Variants in MTUS2 observed in about 807,000 individuals in gnomAD.
MTUS2 encodes microtubule associated scaffold protein 2.
In MTUS2, 40 loss-of-function variants were observed where a neutral mutation model predicts 114.1. That is an observed-to-expected ratio of 0.35 (90% CI 0.27 to 0.46). The LOEUF (loss-of-function observed/expected upper bound fraction) is 0.46. MTUS2 is among the 20% of genes least tolerant of loss of function. The pLI, the probability that MTUS2 is intolerant of heterozygous loss-of-function variation, is 1.00. For missense variants in MTUS2, 1,679 were observed against 1,705.4 expected (o/e 0.98, Z 0.27); for synonymous variants, 688 against 672.0 (o/e 1.02, Z -0.37).
In MTUS2 at chr13:29,499,608, C is replaced by T. The variant is rs370394513; in HGVS notation, c.3798+1071C>T. Among the ~76,000 whole-genome samples, 7 of 152,372 alleles carry T rather than the reference C, an allele frequency of 4.6e-5. No homozygotes were observed. In the East Asian group the frequency reaches 1.2e-3, roughly 25 times the overall value. On this transcript the variant is annotated intron_variant, in intron 14 of 15. Coordinates refer to ENST00000612955, the MANE Select transcript of MTUS2 (RefSeq NM_001033602.4). ...GGTAGTATCTGCGTGCACATGTGCA[C>T]AGGCACACACCCACCCACCCACATG...
chr13:29,158,358 C>CCCCCCCCCTTCTTT, intron 5 of MTUS2, among the ~76,000 whole-genome samples: 1 of 32,048 alleles, frequency 3.1e-5, no homozygotes, highest in African/African-American at 2.1e-4. Flanking sequence ...GTCCACCCCG[C>CCCCCCCCCTTCTTT]TTTTTTTTTT....
At chr13:29,098,976 T>C (rs1252189045) in intron 4 of MTUS2, among the ~76,000 whole-genome samples, 1 of 152,258 alleles carries the variant, frequency 6.6e-6, no homozygotes, top group African/African-American at 2.4e-5. Context: ...GTATACTTAT[T>C]GTTGAAATTA....
chr13:28,844,406 TGTGTGTGTGCGCGCATGTGTGC>T (rs1186090438), intron 2 of MTUS2, among the ~76,000 whole-genome samples: 1 of 151,884 alleles, frequency 6.6e-6, no homozygotes, highest in East Asian at 1.9e-4. Flanking sequence ...AAATGCTGTG[TGTGTGTGTGCGCGCATGTGTGC>T]GTGTGTGTGT....
At chr13:29,256,364 G>A (rs1172529645) in intron 5 of MTUS2, among the ~76,000 whole-genome samples, 2 of 152,188 alleles carry the variant, frequency 1.3e-5, no homozygotes, top group Non-Finnish European at 2.9e-5. Context: ...GCAGTGGTCA[G>A]GACTGAGACA....
intron 7 of MTUS2, among the ~76,000 whole-genome samples, chr13:29,327,009 A>T (rs543652684): frequency 3.9e-5 from 6 of 152,242 alleles, no homozygotes; most frequent in East Asian, 1.9e-4. Context: ...ATAAAAATTT[A>T]AAAAATAAAT....
intron 2 of MTUS2, among the ~76,000 whole-genome samples, chr13:28,897,562 G>C (rs1192972844): frequency 6.6e-6 from 1 of 152,058 alleles, no homozygotes; most frequent in East Asian, 1.9e-4. Flanking sequence ...ATACCCAAAG[G>C]ACTATAAATC....
At chr13:29,244,445 A>C (rs536889993) in intron 5 of MTUS2, among the ~76,000 whole-genome samples, 1 of 152,194 alleles carries the variant, frequency 6.6e-6, no homozygotes, top group South Asian at 2.1e-4. Flanking sequence ...GGAGAGAAGC[A>C]AGTGAGGGCA....
chr13:29,389,369 G>GTATA (rs1872942286), intron 8 of MTUS2, among the ~76,000 whole-genome samples: 1 of 53,656 alleles, frequency 1.9e-5, no homozygotes, highest in Non-Finnish European at 4.0e-5. Context: ...GTATGCACGT[G>GTATA]TGTGTATATA....
At chr13:29,300,253 T>C (rs570935506) in intron 6 of MTUS2, among the ~76,000 whole-genome samples, 51 of 152,306 alleles carry the variant, frequency 3.3e-4, no homozygotes, top group African/African-American at 1.2e-3. Flanking sequence ...AAGCCCCCTG[T>C]AGGCTGGTCT....
At chr13:29,015,662 C>G (rs750584567) in intron 2 of MTUS2, among the ~76,000 whole-genome samples, 2 of 151,982 alleles carry the variant, frequency 1.3e-5, no homozygotes, top group Non-Finnish European at 2.9e-5. Flanking sequence ...AGTTATTTAA[C>G]AAGACAAAAA....
chr13:29,476,607 G>A (rs1880724930), intron 9 of MTUS2: 1 of 152,044 alleles, frequency 6.6e-6, no homozygotes, highest in Non-Finnish European at 1.5e-5. Flanking sequence ...TATATTCCGA[G>A]TTGTGGAAAA....
chr13:29,043,777 A>G (rs1887484801), intron 4 of MTUS2, among the ~76,000 whole-genome samples: 1 of 8,770 alleles, frequency 1.1e-4, no homozygotes, highest in African/African-American at 2.6e-4. Flanking sequence ...CTGATTGTTT[A>G]AAGTCTGATA....
intron 4 of MTUS2, among the ~76,000 whole-genome samples, chr13:29,046,944 A>G (rs868484960): frequency 6.6e-6 from 1 of 152,192 alleles, no homozygotes; most frequent in Non-Finnish European, 1.5e-5. Context: ...TTTAGATTGT[A>G]TGACCTGACC....
At chr13:29,251,685 T>C (rs1319611736) in intron 5 of MTUS2, among the ~76,000 whole-genome samples, 2 of 152,262 alleles carry the variant, frequency 1.3e-5, no homozygotes, top group Non-Finnish European at 2.9e-5. Context: ...GTACCTCCTA[T>C]GAGTGGAATG....
rs35369352 is a variant in MTUS2 at position 29,059,228 on chromosome 13, ATTTTTTTT to A, written c.2446+25117_2446+25124del. Reference sequence around the variant, plus strand: ...AGTCTTTGAAGTTGCTATTCTTTGGATTTTTTTTTTTTTTTTTTTTTGCTTTTATCTTC... The same window carrying A: ...AGTCTTTGAAGTTGCTATTCTTTGGATTTTTTTTTTTTTGCTTTTATCTTC... On this transcript the variant is annotated intron_variant, in intron 4 of 15. Coordinates refer to ENST00000612955, the MANE Select transcript of MTUS2 (RefSeq NM_001033602.4). Among the ~76,000 whole-genome samples the A allele has an allele frequency of 1.5e-3, 141 of 97,148 alleles. 1 individual carries two copies. The highest frequency in any genetic ancestry group is 5.3e-3 in the African/African-American group (135 of 25,260). 63.7% of individuals were successfully genotyped at this position (97,148 alleles called of 152,430 possible).
At chr13:29,290,304 CTCTGCTAGGAACA>C (rs903715698) in intron 6 of MTUS2, among the ~76,000 whole-genome samples, 173 of 152,170 alleles carry the variant, frequency 1.1e-3, no homozygotes, top group African/African-American at 4.0e-3. Context: ...CTGTAAGTGT[CTCTGCTAGGAACA>C]TCTGTTTTTG....
At chr13:29,121,442 C>T (rs1469889189) in intron 5 of MTUS2, among the ~76,000 whole-genome samples, 1 of 149,334 alleles carries the variant, frequency 6.7e-6, no homozygotes, top group African/African-American at 2.4e-5. Context: ...GAAATACACA[C>T]ACACACACAC....
chr13:29,373,892 G>A (rs7491417), intron 8 of MTUS2, among the ~76,000 whole-genome samples: 30,986 of 152,162 alleles, frequency 0.2, 3,257 homozygotes, highest in Middle Eastern at 0.25. Context: ...TCAACAAACA[G>A]TAAAACCATG....
rs558862344 is a variant in MTUS2 at position 29,058,350 on chromosome 13, G to A, written c.2446+24225G>A. Among the ~76,000 whole-genome samples, 5 of 151,778 alleles carry A rather than the reference G, an allele frequency of 3.3e-5. No individual in the cohort carries two copies. In the South Asian group the frequency reaches 1.0e-3, roughly 31 times the overall value. ...CTACTGAGGTTGGGGAAATGTTCAT[G>A]GGTGATATCCTCAAATATGTTTTCC... On this transcript the variant is annotated intron_variant, in intron 4 of 15. Transcript: ENST00000612955.
Sources: gnomAD v4.1 joint callset for allele counts (sites outside exome capture counted in the v4.1 genomes callset) on GRCh38, gnomAD v4.1.1 for gene constraint, MANE v1.5 for transcripts, NCBI Gene and HGNC (gene_info 2026-07-23, HGNC 2026-07-21) for gene names.